Variants in NTM observed in about 807,000 individuals in gnomAD.
NTM encodes IgLON family member 2.
In NTM, 13 loss-of-function variants were observed where a neutral mutation model predicts 42.1. The observed-to-expected ratio is 0.31, with a 90% CI of 0.20 to 0.49. NTM has a LOEUF of 0.49. NTM is among the 20% of genes least tolerant of loss of function. The probability of loss-of-function intolerance (pLI) is 0.99; values close to 1 mark genes in which losing one functional copy is unlikely to be tolerated. For synonymous variants in NTM, 187 were observed against 179.2 expected (o/e 1.04, Z -0.35); for missense variants, 373 against 452.8 (o/e 0.82, Z 1.60).
At chr11:132,100,691 T>G (rs1293972141) in intron 2 of NTM, among the ~76,000 whole-genome samples, 1 of 152,202 alleles carries the variant, frequency 6.6e-6, no homozygotes, top group Non-Finnish European at 1.5e-5. Flanking sequence ...AAAGGCTTTA[T>G]TGTCTCCTAG....
At chr11:131,852,305 T>G (rs954749999) in intron 1 of NTM, among the ~76,000 whole-genome samples, 3 of 152,212 alleles carry the variant, frequency 2.0e-5, no homozygotes, top group Non-Finnish European at 4.4e-5. Flanking sequence ...CTTAATCTCC[T>G]GCCTGCTCAC....
At chr11:131,384,459 G>T (rs1177408239) in intron 1 of NTM, among the ~76,000 whole-genome samples, 1 of 152,178 alleles carries the variant, frequency 6.6e-6, no homozygotes, top group Non-Finnish European at 1.5e-5. Context: ...ATGTTCTTGG[G>T]GATAACAGTT....
chr11:131,540,115 C>T (rs12224024), intron 1 of NTM, among the ~76,000 whole-genome samples: 6 of 148,336 alleles, frequency 4.0e-5, no homozygotes, highest in Non-Finnish European at 8.9e-5. Context: ...CTCAACATTT[C>T]TGAAAACAGG....
Position 131,497,011 on chromosome 11 carries a change from C to G in NTM, c.82+126123C>G, listed in dbSNP as rs1199643072. On this transcript the variant is annotated intron_variant, in intron 1 of 8. Coordinates refer to ENST00000683400, the MANE Select transcript of NTM (RefSeq NM_001352005.2). ...TACTGCATTCTCTCTAGCAGGAGGT[C>G]GATAATTCAGGGATTGGGCTTTGCT... is the stretch of plus-strand genomic sequence containing the variant. Among the ~76,000 whole-genome samples the G allele has an allele frequency of 2.0e-5, 3 of 152,038 alleles. No individual in the cohort carries two copies. The East Asian group carries it at 5.8e-4, about 30-fold the overall frequency.
At chr11:131,505,786 C>T (rs1015877628) in intron 1 of NTM, among the ~76,000 whole-genome samples, 1 of 152,212 alleles carries the variant, frequency 6.6e-6, no homozygotes, top group Non-Finnish European at 1.5e-5. Context: ...CAGTTGAGAA[C>T]TATCTTCTCC....
chr11:131,555,552 C>T (rs901942011), intron 1 of NTM, among the ~76,000 whole-genome samples: 1 of 152,188 alleles, frequency 6.6e-6, no homozygotes, highest in African/African-American at 2.4e-5. Context: ...CAGCCTGTGG[C>T]ATACCCAATG....
intron 2 of NTM, among the ~76,000 whole-genome samples, chr11:132,045,551 A>G (rs1271204584): frequency 6.6e-6 from 1 of 152,172 alleles, no homozygotes; most frequent in Non-Finnish European, 1.5e-5. Context: ...TTTCAGACAC[A>G]ATATGAATGG....
At chr11:131,759,154 T>C (rs2083753236) in intron 1 of NTM, among the ~76,000 whole-genome samples, 2 of 152,216 alleles carry the variant, frequency 1.3e-5, no homozygotes, top group Non-Finnish European at 2.9e-5. Flanking sequence ...ATGAGAAGGT[T>C]GACAGCTGCA....
At chr11:131,886,198 T>A (rs1464185059) in intron 1 of NTM, among the ~76,000 whole-genome samples, 1 of 152,208 alleles carries the variant, frequency 6.6e-6, no homozygotes, top group Non-Finnish European at 1.5e-5. Flanking sequence ...GGTTAAATGC[T>A]TTCTAGCCAT....
intron 3 of NTM, 153 bp from the exon 4 acceptor site, chr11:132,211,866 CTTT>C (rs1270137770): frequency 3.3e-6 from 2 of 608,854 alleles, no homozygotes; most frequent in Non-Finnish European, 5.0e-6. Context: ...AAAGGTAAGA[CTTT>C]TTTATGTTTA....
At chr11:131,492,724 G>A (rs1362010527) in intron 1 of NTM, among the ~76,000 whole-genome samples, 1 of 152,136 alleles carries the variant, frequency 6.6e-6, no homozygotes, top group Non-Finnish European at 1.5e-5. Flanking sequence ...TGAATATCAA[G>A]TTGAAAAAAA....
chr11:131,427,066 G>T (rs1454922382), intron 1 of NTM, among the ~76,000 whole-genome samples: 1 of 151,954 alleles, frequency 6.6e-6, no homozygotes, highest in Admixed American at 6.6e-5. Flanking sequence ...TTGAATAAAC[G>T]ACATATGTAG....
intron 1 of NTM, among the ~76,000 whole-genome samples, chr11:131,822,933 CT>C (rs1185406101): frequency 2.0e-5 from 3 of 152,108 alleles, no homozygotes; most frequent in Non-Finnish European, 4.4e-5. Flanking sequence ...AGAACAGTAG[CT>C]TTTTTCCTTC....
intron 1 of NTM, among the ~76,000 whole-genome samples, chr11:131,434,474 G>A (rs971177245): frequency 6.6e-6 from 1 of 152,148 alleles, no homozygotes; most frequent in Non-Finnish European, 1.5e-5. Context: ...TTTAATGATT[G>A]CCATTCTAAC....
intron 8 of NTM, among the ~76,000 whole-genome samples, chr11:132,330,649 C>T (rs1459437975): frequency 2.6e-5 from 4 of 152,128 alleles, no homozygotes; most frequent in Non-Finnish European, 5.9e-5. Context: ...TTGGGTGAGT[C>T]ACTTGGCTAC....
intron 1 of NTM, among the ~76,000 whole-genome samples, chr11:131,462,408 T>A (rs1951465172): frequency 6.6e-6 from 1 of 152,160 alleles, no homozygotes; most frequent in South Asian, 2.1e-4. Flanking sequence ...ACATCCGTTT[T>A]AAAAAACAAA....
At chr11:132,177,976 C>A (rs768451051) in intron 3 of NTM, among the ~76,000 whole-genome samples, 1 of 152,200 alleles carries the variant, frequency 6.6e-6, no homozygotes, top group Admixed American at 6.5e-5. Context: ...TTTATTTCTC[C>A]TCACTCACAT....
intron 3 of NTM, among the ~76,000 whole-genome samples, chr11:132,200,385 T>G (rs80277171): frequency 6.6e-6 from 1 of 152,326 alleles, no homozygotes; most frequent in Non-Finnish European, 1.5e-5. Flanking sequence ...GCTGAAACTC[T>G]TCTCAGGGCT....
At chr11:131,767,119 C>T (rs2085245425) in intron 1 of NTM, 2 of 981,734 alleles carry the variant, frequency 2.0e-6, no homozygotes, top group Non-Finnish European at 2.4e-6. Flanking sequence ...AAGTAAGTCT[C>T]ATGTAAGGAT....
Sources: gnomAD v4.1 joint callset for allele counts (sites outside exome capture counted in the v4.1 genomes callset) on GRCh38, gnomAD v4.1.1 for gene constraint, MANE v1.5 for transcripts, NCBI Gene and HGNC (gene_info 2026-07-23, HGNC 2026-07-21) for gene names.